TAC1: variants seen among roughly 807,000 people sequenced by gnomAD.
The protein encoded by TAC1 is protachykinin-1.
A neutral mutation model predicts 21.7 loss-of-function variants in TAC1; 12 were observed. That is an observed-to-expected ratio of 0.55 (90% CI 0.35 to 0.89). The LOEUF is 0.89. Ranked by LOEUF, TAC1 falls within the 40% of genes least tolerant of loss-of-function variation. The pLI is 0.01. For synonymous variants in TAC1, 52 were observed against 52.0 expected (o/e 1.00, Z 0.00); for missense variants, 128 against 151.4 (o/e 0.85, Z 0.81).
chr7:97,736,243 T>C, intron 5 of TAC1, 56 bp from the exon 6 acceptor site: 3 of 1,432,304 alleles, frequency 2.1e-6, no homozygotes, highest in South Asian at 2.4e-5. Flanking sequence ...CTGGTTATAA[T>C]AGTTTGTTTC....
At chr7:97,739,003 A>G (rs1194478814) in intron 6 of TAC1, among the ~76,000 whole-genome samples, 1 of 149,668 alleles carries the variant, frequency 6.7e-6, no homozygotes, top group Admixed American at 6.7e-5. Context: ...TAATAAATAT[A>G]ATATAATATA....
chr7:97,734,210 G>A, intron 3 of TAC1, 38 bp from the exon 4 acceptor site: 1 of 1,604,110 alleles, frequency 6.2e-7, no homozygotes, highest in South Asian at 1.1e-5. Context: ...CGCACGGTCA[G>A]TGGAACATGT....
chr7:97,734,977 A>T, intron 5 of TAC1, 128 bp downstream of exon 5: 1 of 654,850 alleles, frequency 1.5e-6, no homozygotes, highest in Non-Finnish European at 2.6e-6. Flanking sequence ...AGACAATATA[A>T]GAATGGGGGA....
In TAC1 at chr7:97,734,257, T is replaced by C. The variant is rs767982006; in HGVS notation, c.230T>C (p.Ile77Thr). ...ATTCGTCTCTTGTCAGATTCCTCAATTGAAAAACAAGTGGCCCTGTTAAAG... is the reference window on the plus strand; with the variant it reads ...ATTCGTCTCTTGTCAGATTCCTCAACTGAAAAACAAGTGGCCCTGTTAAAG... ...LMGKRDADSS[I>T]EKQVALLKAL... The change falls in exon 4 of 7, where the codon ATT becomes ACT. Residue 77 changes from isoleucine to threonine, a missense_variant. Transcript: ENST00000319273. The C allele has an allele frequency of 3.9e-5, 63 of 1,613,892 alleles. No individual in the cohort carries two copies. Among genetic ancestry groups the C allele is most frequent in the South Asian group, 3.0e-4 (27 of 91,058 alleles).
At chr7:97,737,145 C>G (rs1789591362) in intron 6 of TAC1, among the ~76,000 whole-genome samples, 1 of 151,796 alleles carries the variant, frequency 6.6e-6, no homozygotes, top group African/African-American at 2.4e-5. Context: ...TGTAAATAAC[C>G]CCTAGATCAT....
chr7:97,736,444 G>C (rs1431121029), intron 6 of TAC1, 92 bp downstream of exon 6: 2 of 1,221,840 alleles, frequency 1.6e-6, no homozygotes, highest in East Asian at 4.8e-5. Context: ...AAAAGGAGTG[G>C]TAGATATAAA....
chr7:97,732,696 G>C lies in TAC1; in HGVS notation c.84G>C (p.Leu28=). Residue 28 remains leucine (L), a synonymous_variant, in exon 2 of 7, where the codon CTG becomes CTC. Transcript: ENST00000319273. This position sits in a 1 kb window ranked among gnomAD's most constrained non-coding sequence, Gnocchi z 6.2. ...AAGAAATAGGAGCCAATGATGATCT[G>C]AATTACTGGTCCGACTGGTACGACA... ...FAEEIGANDD[L]NYWSDWYDSD... is the part of the protein sequence containing the mutation. 1 of 1,614,058 alleles carries C rather than the reference G, an allele frequency of 6.2e-7. No individual in the cohort carries two copies. Among genetic ancestry groups the C allele is most frequent in the Non-Finnish European group, 8.5e-7 (1 of 1,180,004 alleles).
chr7:97,732,532 A>G lies in TAC1; in HGVS notation c.-9-72A>G. On this transcript the variant is annotated intron_variant, in intron 1 of 6. Coordinates refer to ENST00000319273, the MANE Select transcript of TAC1 (RefSeq NM_003182.3). The surrounding 1 kb of genome is among the most constrained non-coding windows in gnomAD (Gnocchi z 6.2). Reference sequence around the variant, plus strand: ...TGGGGCAGAAAATTCTGTTGCTTTAACTCTTGGATAACCACCCCTAATAGA... The same window carrying G: ...TGGGGCAGAAAATTCTGTTGCTTTAGCTCTTGGATAACCACCCCTAATAGA... The G allele has an allele frequency of 3.2e-6, 5 of 1,565,592 alleles. No homozygotes were observed. Among genetic ancestry groups the G allele is most frequent in the Non-Finnish European group, 3.5e-6 (4 of 1,150,404 alleles).
intron 6 of TAC1, among the ~76,000 whole-genome samples, chr7:97,737,362 C>T (rs968526486): frequency 2.6e-5 from 4 of 151,676 alleles, no homozygotes; most frequent in African/African-American, 9.7e-5. Context: ...TGGCTTAATC[C>T]TTAATTATCT....
At chr7:97,734,205 G>A (rs746888638) in intron 3 of TAC1, 43 bp from the exon 4 acceptor site, 133 of 1,581,478 alleles carry the variant, frequency 8.4e-5, no homozygotes, top group Middle Eastern at 1.7e-4. Context: ...TTCATCGCAC[G>A]GTCAGTGGAA....
Position 97,733,647 on chromosome 7 carries a change from G to T in TAC1, c.124-76G>T, listed in dbSNP as rs564214397. 30 of 1,454,884 alleles carry T rather than the reference G, an allele frequency of 2.1e-5. No individual in the cohort carries two copies. In the Middle Eastern group the frequency reaches 7.8e-4, roughly 38 times the overall value. The allele number at this position is 1,454,884 out of a possible 1,614,324, so 90.1% of individuals were successfully genotyped here. ...CACGCCTCGGGGCCGGAGTACAGCG[G>T]GGGGAAGGGCTCGGGTTGCTGGGTG... On this transcript the variant is annotated intron_variant, in intron 2 of 6. Transcript: ENST00000319273.
chr7:97,733,330 G>A (rs958729955), intron 2 of TAC1, among the ~76,000 whole-genome samples: 7 of 152,100 alleles, frequency 4.6e-5, no homozygotes, highest in African/African-American at 1.4e-4. Context: ...CTTCCCCACC[G>A]GAGCCCCAGC....
chr7:97,733,351 A>C (rs1216758004), intron 2 of TAC1, among the ~76,000 whole-genome samples: 1 of 151,958 alleles, frequency 6.6e-6, no homozygotes, highest in Non-Finnish European at 1.5e-5. Flanking sequence ...CCCAGATCCC[A>C]CACACCTGTG....
rs1417228235 is a variant in TAC1, at chr7:97,734,813, A to G, written c.266-13A>G. 7 of 1,588,568 alleles carry G rather than the reference A, an allele frequency of 4.4e-6. No homozygotes were observed. Among genetic ancestry groups the G allele is most frequent in the Non-Finnish European group, 6.0e-6 (7 of 1,162,444 alleles). On this transcript the variant is annotated splice_polypyrimidine_tract_variant and intron_variant, in intron 4 of 6. Transcript: ENST00000319273. Reference sequence around the variant, plus strand: ...AAATCTATATGTGTTTGCTAATTTTATCTTTCTTCTAGGACATGGCCAGAT... The same window carrying G: ...AAATCTATATGTGTTTGCTAATTTTGTCTTTCTTCTAGGACATGGCCAGAT...
At position 97,739,889 on chromosome 7, in the gene TAC1, G is replaced by A; in HGVS notation, c.359G>A (p.Ser120Asn). 1 of 1,605,312 alleles carries A rather than the reference G, an allele frequency of 6.2e-7. No homozygotes were observed. Among genetic ancestry groups the A allele is most frequent in the Non-Finnish European group, 8.5e-7 (1 of 1,176,204 alleles). The change falls in exon 7 of 7, where the codon AGT becomes AAT. Residue 120 changes from serine to asparagine, a missense_variant. By Grantham distance (46) the Ser-to-Asn change is conservative (BLOSUM62 1). Transcript: ENST00000319273. ...RALNSVAYERSAMQNYERRR is the reference protein window; with the variant it reads ...RALNSVAYERNAMQNYERRR ...TTGTTTTCAGTGGCTTATGAAAGGA[G>A]TGCAATGCAGAATTATGAAAGAAGA...
Position 97,732,480 on chromosome 7 carries a change from A to T in TAC1, c.-9-124A>T. ...CGGTACAGGTGAGACTTCAGTCCTT[A>T]TGTTTTTGATCTTGGTTCATCCGTT... is the stretch of plus-strand genomic sequence containing the variant. On this transcript the variant is annotated intron_variant, in intron 1 of 6. Coordinates refer to ENST00000319273, the MANE Select transcript of TAC1 (RefSeq NM_003182.3). This position sits in a 1 kb window ranked among gnomAD's most constrained non-coding sequence, Gnocchi z 6.2. 1 of 1,153,640 alleles carries T rather than the reference A, an allele frequency of 8.7e-7. No homozygotes were observed. Among genetic ancestry groups the T allele is most frequent in the Admixed American group, 2.0e-5 (1 of 50,390 alleles). The allele number at this position is 1,153,640 out of a possible 1,614,324, so 71.5% of individuals were successfully genotyped here.
intron 6 of TAC1, among the ~76,000 whole-genome samples, chr7:97,739,050 A>G (rs899037737): frequency 2.1e-5 from 3 of 142,410 alleles, no homozygotes; most frequent in African/African-American, 5.1e-5. Flanking sequence ...CAGATAATCA[A>G]TGTATTTAAA....
At chr7:97,738,997 A>AAATATAATATAATAT (rs573282115) in intron 6 of TAC1, among the ~76,000 whole-genome samples, 2,635 of 148,414 alleles carry the variant, frequency 0.018, 54 homozygotes, top group African/African-American at 0.046. Context: ...TATATATAAT[A>AAATATAATATAATAT]AATATAATAT....
rs1382139163 is a variant in TAC1 at position 97,740,157 on chromosome 7, T to A, written c.*237T>A. ...GTGGTTATTTCTCAACAAAGCACAGTGTTAAATGAAATTGTAAAACCTGTC... is the reference window on the plus strand; with the variant it reads ...GTGGTTATTTCTCAACAAAGCACAGAGTTAAATGAAATTGTAAAACCTGTC... On this transcript the variant is annotated 3_prime_UTR_variant, in exon 7 of 7. Coordinates refer to ENST00000319273, the MANE Select transcript of TAC1 (RefSeq NM_003182.3). 1 of 309,518 alleles carries A rather than the reference T, an allele frequency of 3.2e-6. No individual in the cohort carries two copies. 19.2% of individuals were successfully genotyped at this position (309,518 alleles called of 1,614,324 possible).
Sources: allele counts gnomAD v4.1 joint callset (sites outside exome capture counted in the v4.1 genomes callset), GRCh38; gene constraint gnomAD v4.1.1; non-coding constraint Gnocchi (gnomAD v3.1); transcripts MANE v1.5; gene names NCBI Gene and HGNC (gene_info 2026-07-23, HGNC 2026-07-21).